ALOX5AP: variants seen among roughly 807,000 people sequenced by gnomAD.
ALOX5AP encodes arachidonate 5-lipoxygenase activating protein.
Under a neutral mutation model 18.5 loss-of-function variants are expected in ALOX5AP, and 9 were observed. The observed-to-expected ratio is 0.49, with a 90% CI of 0.29 to 0.85. The LOEUF (loss-of-function observed/expected upper bound fraction) is 0.85, where lower values mean the gene tolerates loss of function less well. Among genes scored for constraint, ALOX5AP ranks in the 40% least tolerant of loss-of-function variants. The probability of loss-of-function intolerance (pLI) is 0.08; values close to 1 mark genes in which losing one functional copy is unlikely to be tolerated. For synonymous variants in ALOX5AP, 81 were observed against 78.6 expected (o/e 1.03, Z -0.16); for missense variants, 172 against 202.5 (o/e 0.85, Z 0.91).
At chr13:30,762,133 A>G (rs767669869) in intron 4 of ALOX5AP, among the ~76,000 whole-genome samples, 1 of 152,188 alleles carries the variant, frequency 6.6e-6, no homozygotes, top group Non-Finnish European at 1.5e-5. Context: ...AGCTTGTTAA[A>G]ATGCAGATTC....
At position 30,751,240 on chromosome 13, in the gene ALOX5AP, T is replaced by A. The variant is rs185006698; in HGVS notation, c.171-812T>A. ...CACCACACCTGGCTATTTTTTGTGT[T>A]TTTAGTAGAGACAGGGTTTCACCAT... On this transcript the variant is annotated intron_variant, in intron 2 of 4. Transcript: ENST00000380490. Among the ~76,000 whole-genome samples the A allele has an allele frequency of 8.5e-5, 13 of 152,138 alleles. No individual in the cohort carries two copies. The East Asian group carries it at 1.7e-3, about 20-fold the overall frequency.
intron 2 of ALOX5AP, among the ~76,000 whole-genome samples, chr13:30,747,099 G>A (rs1483349989): frequency 6.6e-6 from 1 of 152,246 alleles, no homozygotes; most frequent in African/African-American, 2.4e-5. Flanking sequence ...CATCTCCCAT[G>A]AGGGCAGAGC....
upstream of ALOX5AP, among the ~76,000 whole-genome samples, chr13:30,734,976 T>C (rs867549560): frequency 4.1e-4 from 63 of 152,258 alleles, 1 homozygote; most frequent in Middle Eastern, 0.01. Context: ...TGGTGTTCTA[T>C]ACATTTTTTT....
At chr13:30,733,066 G>A (rs2137799260), upstream of ALOX5AP, among the ~76,000 whole-genome samples, 1 of 151,810 alleles carries the variant, frequency 6.6e-6, no homozygotes, top group African/African-American at 2.4e-5. Flanking sequence ...GGCTGAGACA[G>A]GAGAATGGCG....
intron 1 of ALOX5AP, among the ~76,000 whole-genome samples, chr13:30,743,852 G>C (rs17245099): frequency 0.067 from 10,245 of 152,146 alleles, 439 homozygotes; most frequent in East Asian, 0.11. Context: ...GCCGTGCCTT[G>C]CTCATGACTG....
chr13:30,750,477 A>C (rs1235636658), intron 2 of ALOX5AP, among the ~76,000 whole-genome samples: 1 of 152,178 alleles, frequency 6.6e-6, no homozygotes, highest in African/African-American at 2.4e-5. Flanking sequence ...CTATGATTTA[A>C]TTTAGTATAG....
intron 2 of ALOX5AP, among the ~76,000 whole-genome samples, chr13:30,748,959 C>A (rs1409973547): frequency 6.6e-6 from 1 of 152,214 alleles, no homozygotes; most frequent in African/African-American, 2.4e-5. Flanking sequence ...CCAGCAGCAA[C>A]CCCCTCTCCA....
intron 4 of ALOX5AP, among the ~76,000 whole-genome samples, chr13:30,763,555 C>G (rs969572432): frequency 6.6e-6 from 1 of 152,156 alleles, no homozygotes; most frequent in East Asian, 1.9e-4. Context: ...ACGTGTCTGT[C>G]GTTATGGGCA....
intron 1 of ALOX5AP, among the ~76,000 whole-genome samples, chr13:30,719,782 C>G (rs1405556612): frequency 6.6e-6 from 1 of 152,080 alleles, no homozygotes; most frequent in South Asian, 2.1e-4. Context: ...AGTTCTAATT[C>G]GTGATTGTAA....
chr13:30,743,800 G>T (rs1175985551), intron 1 of ALOX5AP, among the ~76,000 whole-genome samples: 1 of 152,030 alleles, frequency 6.6e-6, no homozygotes, highest in Non-Finnish European at 1.5e-5. Flanking sequence ...TGCTTTCCTT[G>T]TTTGTCTATT....
At position 30,720,152 on chromosome 13, in the gene ALOX5AP, G is replaced by A. The variant is rs374605961; in HGVS notation, c.116+6311G>A. 7.2e-5 allele frequency among the ~76,000 whole-genome samples: 11 copies of A among 152,294 alleles called. No homozygotes were observed. The East Asian group carries it at 1.2e-3, about 16-fold the overall frequency. ...TGGGATTACAGGCGTGAGCCACCGC[G>A]CCCGGCCTCTAGAGGATAATTTTTA... On this transcript the variant is annotated intron_variant, in intron 1 of 5. Coordinates refer to the ALOX5AP transcript ENST00000617770.
At chr13:30,737,964 C>A (rs1951733993) in intron 1 of ALOX5AP, among the ~76,000 whole-genome samples, 1 of 152,178 alleles carries the variant, frequency 6.6e-6, no homozygotes, top group Non-Finnish European at 1.5e-5. Context: ...TTCTAATTAA[C>A]CTCAATGTTG....
chr13:30,752,716 G>A (rs911348866), intron 3 of ALOX5AP, among the ~76,000 whole-genome samples: 18 of 152,200 alleles, frequency 1.2e-4, no homozygotes, highest in African/African-American at 2.7e-4. Flanking sequence ...GTGGCAGATC[G>A]GCATGAACTG....
intron 1 of ALOX5AP, among the ~76,000 whole-genome samples, chr13:30,739,540 T>G (rs1593435538): frequency 6.6e-6 from 1 of 152,228 alleles, no homozygotes; most frequent in East Asian, 1.9e-4. Flanking sequence ...GCTCAAGTGA[T>G]TCTCATGTCT....
upstream of ALOX5AP, among the ~76,000 whole-genome samples, chr13:30,730,835 T>C (rs746982601): frequency 1.3e-5 from 2 of 152,232 alleles, no homozygotes; most frequent in Admixed American, 6.5e-5. Context: ...CCTGAGTCAC[T>C]GCTTGGCCCC....
intron 1 of ALOX5AP, among the ~76,000 whole-genome samples, chr13:30,729,493 C>A (rs539904973): frequency 4.6e-5 from 7 of 152,110 alleles, no homozygotes; most frequent in East Asian, 1.9e-4. Context: ...GCAGGCCATG[C>A]CCATGACTGA....
Position 30,755,398 on chromosome 13 carries a change from G to A in ALOX5AP, c.242-546G>A, listed in dbSNP as rs370289585. ...CTCTGCCCCCTTTTACGAGCTGACA[G>A]CCTTATGCAAGCCTGGTTGACCACC... On this transcript the variant is annotated intron_variant, in intron 3 of 4. Coordinates refer to ENST00000380490, the MANE Select transcript of ALOX5AP (RefSeq NM_001629.4). Among the ~76,000 whole-genome samples, 5 of 152,302 alleles carry A rather than the reference G, an allele frequency of 3.3e-5. No homozygotes were observed. In the East Asian group the frequency reaches 7.7e-4, roughly 23 times the overall value.
At chr13:30,718,343 T>C (rs1951565822) in intron 1 of ALOX5AP, among the ~76,000 whole-genome samples, 2 of 150,290 alleles carry the variant, frequency 1.3e-5, no homozygotes, top group Admixed American at 1.3e-4. Context: ...ATGGGAGTTA[T>C]GAGCCAGGAA....
At chr13:30,741,833 T>TTTTTG (rs1951768532) in intron 1 of ALOX5AP, among the ~76,000 whole-genome samples, 2 of 148,268 alleles carry the variant, frequency 1.3e-5, no homozygotes, top group South Asian at 2.1e-4. Flanking sequence ...GGTTTTCTGT[T>TTTTTG]TTTTTTTTTT....
Sources: gnomAD v4.1 joint callset for allele counts (sites outside exome capture counted in the v4.1 genomes callset) on GRCh38, gnomAD v4.1.1 for gene constraint, MANE v1.5 for transcripts, NCBI Gene and HGNC (gene_info 2026-07-23, HGNC 2026-07-21) for gene names.